Variants in MLXIPL observed in about 807,000 individuals in gnomAD.
MLXIPL encodes MLX interacting protein like.
MLXIPL carries 49 observed loss-of-function variants against 81.5 expected under a neutral mutation model. The ratio of observed to expected loss-of-function variants is 0.60; its 90% CI spans 0.48 to 0.76. The LOEUF is 0.76. Among genes scored for constraint, MLXIPL ranks in the 30% least tolerant of loss-of-function variants. The pLI is 0.00. For missense variants in MLXIPL, 1,053 were observed against 1,167.0 expected, an observed-to-expected ratio of 0.90 and a Z score of 1.42; for synonymous variants, 466 against 485.5, an observed-to-expected ratio of 0.96 and a Z score of 0.53.
intron 2 of MLXIPL, among the ~76,000 whole-genome samples, chr7:73,613,187 C>T (rs1334939986): frequency 6.6e-6 from 1 of 152,162 alleles, no homozygotes; most frequent in Non-Finnish European, 1.5e-5. Flanking sequence ...CACCTTCAAA[C>T]CTTTGGCGTT....
At chr7:73,627,142 C>T (rs1480935486), upstream of MLXIPL, among the ~76,000 whole-genome samples, 1 of 152,186 alleles carries the variant, frequency 6.6e-6, no homozygotes, top group Non-Finnish European at 1.5e-5. Context: ...TGTGCATTCT[C>T]TCTGCCCATC....
intron 2 of MLXIPL, among the ~76,000 whole-genome samples, chr7:73,612,056 T>C (rs1795720247): frequency 1.3e-5 from 2 of 152,118 alleles, no homozygotes; most frequent in Admixed American, 6.6e-5. Flanking sequence ...TACGGTGTGG[T>C]GGCTCACGCC....
chr7:73,594,675 A>C (rs1226449149), intron 15 of MLXIPL, among the ~76,000 whole-genome samples: 1 of 151,578 alleles, frequency 6.6e-6, no homozygotes, highest in Non-Finnish European at 1.5e-5. Context: ...CAGCCTCCTG[A>C]GTAGCTGGGA....
chr7:73,609,745 T>C (rs1313526606), intron 2 of MLXIPL: 2 of 151,982 alleles, frequency 1.3e-5, no homozygotes, highest in African/African-American at 4.8e-5. Context: ...GGATCTTGGG[T>C]ACTTCGATCT....
At chr7:73,637,799 G>C in the MLXIPL span, among the ~76,000 whole-genome samples, 1 of 152,200 alleles carries the variant, frequency 6.6e-6, no homozygotes, top group African/African-American at 2.4e-5. Context: ...GAGGAAGAGA[G>C]AAGTACCTGG....
chr7:73,614,833 C>T (rs1283560402), intron 2 of MLXIPL, among the ~76,000 whole-genome samples: 2 of 123,714 alleles, frequency 1.6e-5, no homozygotes, highest in Non-Finnish European at 3.2e-5. Context: ...TTTTTTGAGA[C>T]GGAGTCTCGC....
At position 73,624,520 on chromosome 7, in the gene MLXIPL, C is replaced by G; in HGVS notation, c.-28G>C. 6.6e-7 allele frequency: 1 copy of G among 1,512,752 alleles called. No individual in the cohort carries two copies. 93.7% of individuals were successfully genotyped at this position (1,512,752 alleles called of 1,614,324 possible). A position where few individuals can be genotyped will look rare whatever the true frequency, so the allele number is the denominator to read the frequency against. On this transcript the variant is annotated 5_prime_UTR_variant, in exon 1 of 17. Transcript: ENST00000313375. ...CTGTCGCCGCCGCAACCGCCTGGTC[C>G]CTGCTCCGCGCAGCGCGGGGAACAG...
In MLXIPL at chr7:73,596,350, G is replaced by A. The variant is rs1554593829; in HGVS notation, c.1938+14C>T. 4.3e-6 allele frequency: 7 copies of A among 1,613,228 alleles called. No individual in the cohort carries two copies. The highest frequency in any genetic ancestry group is 4.2e-6 in the Non-Finnish European group (5 of 1,179,922). On this transcript the variant is annotated intron_variant, in intron 12 of 16. Transcript: ENST00000313375. This position sits in a 1 kb window ranked among gnomAD's most constrained non-coding sequence, Gnocchi z 4.7. The stretch of plus-strand genomic sequence containing the variant: ...GGGTAGCAAACCGATCTTGGGGTGG[G>A]GGATGGTGCCCACCTTGTTGCTGTC...
At chr7:73,626,885 AG>A (rs1796763792), upstream of MLXIPL, among the ~76,000 whole-genome samples, 1 of 152,134 alleles carries the variant, frequency 6.6e-6, no homozygotes, top group Non-Finnish European at 1.5e-5. Flanking sequence ...GCCTTGGAAA[AG>A]GTTGACATGC....
the MLXIPL span, among the ~76,000 whole-genome samples, chr7:73,634,805 T>TTTTTTATTATTATTATTA: frequency 4.1e-5 from 6 of 146,990 alleles, no homozygotes; most frequent in East Asian, 2.0e-4. Flanking sequence ...TCTATATGTA[T>TTTTTTATTATTATTATTA]TTATTATTAT....
chr7:73,595,865 A>G lies in MLXIPL; in HGVS notation c.2163T>C (p.Ile721=), dbSNP rs1371410592. Residue 721 remains isoleucine, a synonymous_variant, in exon 14 of 17, where the codon ATT becomes ATC. Transcript: ENST00000313375. ...ACTTAATGGCGGCATTGAGCTCCTC[A>G]ATCTCATCCCGCAGCTGCTGGGCCT... ...QEEAQQLRDE[I]EELNAAINLC... is the part of the protein sequence containing the mutation. 6 of 1,609,724 alleles carry G rather than the reference A, an allele frequency of 3.7e-6. No homozygotes were observed. In the Admixed American group the frequency reaches 5.0e-5, roughly 14 times the overall value.
chr7:73,640,616 A>G, the MLXIPL span, among the ~76,000 whole-genome samples: 5 of 151,704 alleles, frequency 3.3e-5, no homozygotes, highest in Non-Finnish European at 7.4e-5. Context: ...GTCTCTACTA[A>G]GAATACAAAA....
chr7:73,623,318 C>G lies in MLXIPL; in HGVS notation c.293+882G>C, dbSNP rs1184712788. On this transcript the variant is annotated intron_variant, in intron 1 of 16. Transcript: ENST00000313375. This position sits in a 1 kb window ranked among gnomAD's most constrained non-coding sequence, Gnocchi z 5.7. ...AGGCCGGCCGATCCCCCTTTCTCCC[C>G]TACGGGTTTTCGGTTGATAATTTAT... Among the ~76,000 whole-genome samples, 1 of 152,244 alleles carries G rather than the reference C, an allele frequency of 6.6e-6. No individual in the cohort carries two copies. The highest frequency in any genetic ancestry group is 1.5e-5 in the Non-Finnish European group (1 of 68,054).
At position 73,596,854 on chromosome 7, in the gene MLXIPL, C is replaced by CCCA. The variant is rs1794366056; in HGVS notation, c.1671+10_1671+11insTGG. ...GGGCACAGCCCCACCGCCCAGTGCC[C>CCCA]GAGATCTTACCGGGGACCCTGGGGA... On this transcript the variant is annotated intron_variant, in intron 10 of 16. Transcript: ENST00000313375. The surrounding 1 kb of genome is among the most constrained non-coding windows in gnomAD (Gnocchi z 4.7). 2.5e-6 allele frequency: 4 copies of CCCA among 1,610,566 alleles called. No homozygotes were observed. In the Admixed American group the frequency reaches 6.7e-5, roughly 27 times the overall value.
intron 8 of MLXIPL, among the ~76,000 whole-genome samples, chr7:73,599,074 A>G (rs1554595235): frequency 6.7e-6 from 1 of 148,562 alleles, no homozygotes; most frequent in Non-Finnish European, 1.5e-5. Flanking sequence ...TCTCAAAGAA[A>G]AAAAAAAAAA....
the MLXIPL span, among the ~76,000 whole-genome samples, chr7:73,629,978 A>T: frequency 4.1e-3 from 54 of 13,274 alleles, no homozygotes; most frequent in South Asian, 0.033. Flanking sequence ...TATTATTTTT[A>T]TTTATTTATT....
intron 5 of MLXIPL, 24 bp downstream of exon 5, chr7:73,606,950 C>G (rs782819718): frequency 6.2e-7 from 1 of 1,612,870 alleles, no homozygotes; most frequent in Non-Finnish European, 8.5e-7. Flanking sequence ...ATGCCCTTGC[C>G]TGCTGGACTT....
intron 1 of MLXIPL, among the ~76,000 whole-genome samples, chr7:73,619,903 C>G (rs1243017970): frequency 1.3e-5 from 2 of 151,922 alleles, no homozygotes; most frequent in East Asian, 3.9e-4. Flanking sequence ...GCACTCCAGC[C>G]TGGGCGACAG....
Position 73,597,510 on chromosome 7 carries a change from C to T in MLXIPL, c.1275G>A (p.Leu425=). 2.2e-6 allele frequency: 3 copies of T among 1,389,506 alleles called. No homozygotes were observed. The highest frequency in any genetic ancestry group is 2.8e-6 in the Non-Finnish European group (3 of 1,069,294). The allele number at this position is 1,389,506 out of a possible 1,614,324, so 86.1% of individuals were successfully genotyped here. The change falls in exon 9 of 17, where the codon CTG becomes CTA. Residue 425 remains leucine, a synonymous_variant. Transcript: ENST00000313375. ...FPPMAPPTAL[L]QEEPLFSPRF... is the part of the protein sequence containing the mutation. ...TGGGAGAGAAGAGAGGCTCTTCCTGCAGCAAAGCAGTGGGTGGTGCCATGG... is the reference window on the plus strand; with the variant it reads ...TGGGAGAGAAGAGAGGCTCTTCCTGTAGCAAAGCAGTGGGTGGTGCCATGG...
Sources: allele counts gnomAD v4.1 joint callset (sites outside exome capture counted in the v4.1 genomes callset), GRCh38; gene constraint gnomAD v4.1.1; non-coding constraint Gnocchi (gnomAD v3.1); transcripts MANE v1.5; gene names NCBI Gene and HGNC (gene_info 2026-07-23, HGNC 2026-07-21).